Variants in TTC19 observed in about 807,000 individuals in gnomAD.
TTC19 encodes tetratricopeptide repeat protein 19, mitochondrial.
TTC19 carries 38 observed loss-of-function variants against 49.5 expected under a neutral mutation model. The observed-to-expected ratio is 0.77, with a 90% CI of 0.59 to 1.01. The LOEUF is 1.01. Among genes scored for constraint, TTC19 ranks in the 50% least tolerant of loss-of-function variants. The pLI, the probability that TTC19 is intolerant of heterozygous loss-of-function variation, is 0.00. For missense variants in TTC19, 475 were observed against 477.7 expected, an observed-to-expected ratio of 0.99 and a Z score of 0.05; for synonymous variants, 204 against 185.2, an observed-to-expected ratio of 1.10 and a Z score of -0.83.
intron 7 of TTC19, among the ~76,000 whole-genome samples, chr17:16,010,764 G>C: frequency 6.6e-6 from 1 of 152,152 alleles, no homozygotes; most frequent in East Asian, 1.9e-4. Context: ...GAGCCACTGT[G>C]CCCGGCCCCT....
intron 7 of TTC19, among the ~76,000 whole-genome samples, chr17:16,012,174 A>G (rs530251445): frequency 6.6e-6 from 1 of 152,246 alleles, no homozygotes; most frequent in East Asian, 1.9e-4. Context: ...GGGAATGTGA[A>G]ATTAACATTT....
At chr17:16,002,858 G>A in intron 4 of TTC19, 27 bp downstream of exon 4, 1 of 1,609,528 alleles carries the variant, frequency 6.2e-7, no homozygotes, top group South Asian at 1.1e-5. Flanking sequence ...GTAATATCTT[G>A]AATTTATGAA....
chr17:16,005,106 G>T (rs756988565), intron 6 of TTC19, among the ~76,000 whole-genome samples: 4 of 152,186 alleles, frequency 2.6e-5, no homozygotes, highest in African/African-American at 9.7e-5. Context: ...TGTTGAGTAA[G>T]ACAAATTCAT....
chr17:16,009,210 T>C (rs1439486032), intron 7 of TTC19, among the ~76,000 whole-genome samples: 1 of 152,234 alleles, frequency 6.6e-6, no homozygotes, highest in East Asian at 1.9e-4. Context: ...AGTAAGTCAC[T>C]TCTGAACTAT....
At chr17:16,017,218 T>C (rs1266775898) in intron 7 of TTC19, among the ~76,000 whole-genome samples, 1 of 152,132 alleles carries the variant, frequency 6.6e-6, no homozygotes, top group East Asian at 1.9e-4. Flanking sequence ...AGGCTATGGT[T>C]GGAATTTTTT....
At chr17:16,016,663 T>C (rs1238913154) in intron 7 of TTC19, among the ~76,000 whole-genome samples, 1 of 151,336 alleles carries the variant, frequency 6.6e-6, no homozygotes, top group Non-Finnish European at 1.5e-5. Flanking sequence ...GTTCAAGTGA[T>C]TCTTGCACTT....
At chr17:16,034,313 G>T (rs147245953), downstream of TTC19, among the ~76,000 whole-genome samples, 1 of 152,198 alleles carries the variant, frequency 6.6e-6, no homozygotes, top group African/African-American at 2.4e-5. Flanking sequence ...TCTATTCTGG[G>T]TGTGTGCATT....
chr17:16,025,213 C>T, intron 8 of TTC19, 42 bp downstream of exon 8: 3 of 1,594,848 alleles, frequency 1.9e-6, no homozygotes, highest in African/African-American at 1.3e-5. Flanking sequence ...AAAACAAAGG[C>T]TTCAAAATTG....
intron 2 of TTC19, among the ~76,000 whole-genome samples, chr17:16,038,398 C>G (rs1033973411): frequency 3.3e-5 from 5 of 151,854 alleles, no homozygotes; most frequent in South Asian, 2.1e-4. Context: ...ATGATGTGAT[C>G]TGAAGAACTG....
intron 7 of TTC19, among the ~76,000 whole-genome samples, chr17:16,008,236 A>T (rs1031678847): frequency 6.6e-6 from 1 of 152,144 alleles, no homozygotes; most frequent in African/African-American, 2.4e-5. Flanking sequence ...TATAATTATG[A>T]TTGCCCACCC....
intron 7 of TTC19, among the ~76,000 whole-genome samples, chr17:16,019,661 A>ATGG (rs1343178249): frequency 4.6e-5 from 7 of 152,216 alleles, no homozygotes; most frequent in Non-Finnish European, 1.0e-4. Flanking sequence ...CACTACAACC[A>ATGG]TGGTATAGTA....
intron 2 of TTC19, chr17:16,039,258 A>G (rs1567643658): frequency 1.6e-6 from 1 of 621,398 alleles, no homozygotes; most frequent in East Asian, 2.8e-5. Flanking sequence ...TTCTGTTCAT[A>G]TTATAATGTC....
At chr17:16,025,223 GA>G in intron 8 of TTC19, 52 bp downstream of exon 8, 1 of 1,573,674 alleles carries the variant, frequency 6.4e-7, no homozygotes, top group Middle Eastern at 1.7e-4. Flanking sequence ...CTTCAAAATT[GA>G]AGGGTGTGAA....
At chr17:16,024,890 A>AT (rs1971499617) in intron 7 of TTC19, 127 bp from the exon 8 acceptor site, 1 of 868,532 alleles carries the variant, frequency 1.2e-6, no homozygotes, top group Non-Finnish European at 2.0e-6. Context: ...GGAATAGGTC[A>AT]TTTAACTGGA....
chr17:16,006,847 G>A (rs1439897383), intron 7 of TTC19, among the ~76,000 whole-genome samples: 1 of 151,940 alleles, frequency 6.6e-6, no homozygotes, highest in African/African-American at 2.4e-5. Context: ...GGAAAATTGG[G>A]GAGCAGAAGG....
chr17:16,035,019 T>C, intron 2 of TTC19: 1 of 1,398,416 alleles, frequency 7.2e-7, no homozygotes, highest in East Asian at 2.4e-5. Context: ...TGATTATATA[T>C]TGCTAAATGA....
intron 7 of TTC19, among the ~76,000 whole-genome samples, chr17:16,014,609 T>C (rs1000197059): frequency 3.2e-4 from 48 of 152,288 alleles, no homozygotes; most frequent in African/African-American, 1.2e-3. Context: ...GCTTTCTGAG[T>C]GCCAACATGA....
chr17:16,004,178 C>T, intron 5 of TTC19, 23 bp from the exon 6 acceptor site: 3 of 1,611,752 alleles, frequency 1.9e-6, no homozygotes, highest in Non-Finnish European at 2.5e-6. Context: ...TTATGAGTTC[C>T]CTTCATTCTC....
intron 7 of TTC19, among the ~76,000 whole-genome samples, chr17:16,016,552 A>ATTTTTTT (rs769994419): frequency 1.1e-5 from 1 of 94,082 alleles, no homozygotes; most frequent in Non-Finnish European, 2.1e-5. Flanking sequence ...AGTTGTTCTA[A>ATTTTTTT]TTTTTTTTTT....
Sources: allele counts gnomAD v4.1 joint callset (sites outside exome capture counted in the v4.1 genomes callset), GRCh38; gene constraint gnomAD v4.1.1; transcripts MANE v1.5; gene names NCBI Gene and HGNC (gene_info 2026-07-23, HGNC 2026-07-21).